Variants in CPQ observed in about 807,000 individuals in gnomAD.
CPQ encodes the protein Ser-Met dipeptidase.
A neutral mutation model predicts 45.7 loss-of-function variants in CPQ; 37 were observed. The observed-to-expected ratio is 0.81, with a 90% CI of 0.62 to 1.07. The LOEUF (loss-of-function observed/expected upper bound fraction) is 1.07, where lower values mean the gene tolerates loss of function less well. Ranked by LOEUF, CPQ falls within the 50% of genes least tolerant of loss-of-function variation. CPQ has a pLI of 0.00. For synonymous variants in CPQ, 186 were observed against 205.8 expected, an observed-to-expected ratio of 0.90 and a Z score of 0.82; for missense variants, 537 against 572.9, an observed-to-expected ratio of 0.94 and a Z score of 0.64.
intron 5 of CPQ, among the ~76,000 whole-genome samples, chr8:96,971,753 CTGCT>C (rs1385509112): frequency 6.6e-6 from 1 of 152,166 alleles, no homozygotes; most frequent in African/African-American, 2.4e-5. Flanking sequence ...TGCGTAGATG[CTGCT>C]TGCTTCTTTG....
intron 1 of CPQ, among the ~76,000 whole-genome samples, chr8:96,680,819 A>G (rs550686215): frequency 1.3e-5 from 2 of 152,272 alleles, no homozygotes; most frequent in African/African-American, 2.4e-5. Flanking sequence ...TGATAATGAT[A>G]TGGACAATGA....
chr8:96,879,692 G>T, intron 3 of CPQ, 106 bp from the exon 4 acceptor site: 1 of 733,522 alleles, frequency 1.4e-6, no homozygotes, highest in East Asian at 2.5e-5. Context: ...TTTCCCAGAT[G>T]CAAACAAAGA....
intron 5 of CPQ, among the ~76,000 whole-genome samples, chr8:96,967,987 T>TAAC (rs1295688013): frequency 2.0e-5 from 3 of 152,260 alleles, no homozygotes; most frequent in Admixed American, 2.0e-4. Flanking sequence ...CAATAAATGT[T>TAAC]AACTTTTATA....
At chr8:96,912,876 G>A (rs1812686167) in intron 4 of CPQ, among the ~76,000 whole-genome samples, 2 of 152,276 alleles carry the variant, frequency 1.3e-5, no homozygotes, top group South Asian at 4.1e-4. Context: ...CCCTCATGAG[G>A]AGGCGCAGTG....
intron 5 of CPQ, among the ~76,000 whole-genome samples, chr8:96,991,942 A>G (rs1809101634): frequency 6.6e-6 from 1 of 152,122 alleles, no homozygotes; most frequent in South Asian, 2.1e-4. Context: ...ACCACTCACC[A>G]TGGTCATAAG....
rs1563519513 is a variant in CPQ at position 96,879,886 on chromosome 8, AG to A, written c.731del (p.Arg244LysfsTer13). On this transcript the variant is annotated frameshift_variant, in exon 4 of 8. Transcript: ENST00000220763. LOFTEE classifies it high-confidence loss of function. ...ITVEDAEMMS[R>X]MASHGIKIVI... ...GGTGGAAGATGCAGAAATGATGTCA[AG>A]AATGGCTTCTCATGGGATCAAAATT... The A allele has an allele frequency of 1.9e-6, 3 of 1,614,138 alleles. No homozygotes were observed. Among genetic ancestry groups the A allele is most frequent in the Non-Finnish European group, 2.5e-6 (3 of 1,179,992 alleles).
intron 1 of CPQ, among the ~76,000 whole-genome samples, chr8:96,677,678 G>C (rs1254779683): frequency 1.3e-5 from 2 of 151,688 alleles, no homozygotes; most frequent in African/African-American, 4.8e-5. Flanking sequence ...AGTTTAATTG[G>C]GTCCCATTTA....
At chr8:96,968,653 T>C (rs77297744) in intron 5 of CPQ, among the ~76,000 whole-genome samples, 2,540 of 152,356 alleles carry the variant, frequency 0.017, 66 homozygotes, top group African/African-American at 0.057. Flanking sequence ...TCATGCAGCA[T>C]GTCAGAGTCC....
chr8:97,088,672 C>T (rs1339690563), intron 7 of CPQ, among the ~76,000 whole-genome samples: 1 of 152,192 alleles, frequency 6.6e-6, no homozygotes, highest in Non-Finnish European at 1.5e-5. Context: ...ACAGGACCCT[C>T]ACTCTCTGTG....
intron 4 of CPQ, among the ~76,000 whole-genome samples, chr8:96,940,046 G>A (rs1188413270): frequency 6.6e-6 from 1 of 152,066 alleles, no homozygotes; most frequent in Non-Finnish European, 1.5e-5. Flanking sequence ...AAAACTTAAT[G>A]AGAGTCTGAC....
chr8:96,998,667 G>T lies in CPQ; in HGVS notation c.962-30736G>T, dbSNP rs143598482. 2.6e-3 allele frequency among the ~76,000 whole-genome samples: 395 copies of T among 152,018 alleles called. 2 individuals are homozygous for T. Among genetic ancestry groups the T allele is most frequent in the African/African-American group, 8.9e-3 (369 of 41,524 alleles). On this transcript the variant is annotated intron_variant, in intron 5 of 7. Coordinates refer to ENST00000220763, the MANE Select transcript of CPQ (RefSeq NM_016134.4). Reference sequence around the variant, plus strand: ...ATGAAGCTAAAGAACATCAAGGGCAGAATATTTGCTTTTCTGAATGGGGAG... The same window carrying T: ...ATGAAGCTAAAGAACATCAAGGGCATAATATTTGCTTTTCTGAATGGGGAG...
rs765383250 is a variant in CPQ at position 96,948,032 on chromosome 8, C to T, written c.850-17903C>T. Reference sequence around the variant, plus strand: ...CAAGACACGCAGATCTAGTACTTAGCGCGACTCCTGCTTGCCTTCCATATC... The same window carrying T: ...CAAGACACGCAGATCTAGTACTTAGTGCGACTCCTGCTTGCCTTCCATATC... On this transcript the variant is annotated intron_variant, in intron 4 of 7. Coordinates refer to ENST00000220763, the MANE Select transcript of CPQ (RefSeq NM_016134.4). Among the ~76,000 whole-genome samples, 5 of 151,958 alleles carry T rather than the reference C, an allele frequency of 3.3e-5. 1 individual carries two copies. The highest frequency in any genetic ancestry group is 6.3e-3 in the Middle Eastern group (2 of 316).
intron 5 of CPQ, among the ~76,000 whole-genome samples, chr8:96,968,923 T>G (rs1813616850): frequency 6.6e-6 from 1 of 152,244 alleles, no homozygotes; most frequent in African/African-American, 2.4e-5. Context: ...GAAGCGTCGT[T>G]GAATACTTTT....
At chr8:96,648,145 C>A (rs1815538212) in intron 1 of CPQ, among the ~76,000 whole-genome samples, 1 of 152,092 alleles carries the variant, frequency 6.6e-6, no homozygotes, top group Admixed American at 6.5e-5. Context: ...TATTTTGTTT[C>A]TTTTTCGTCA....
At chr8:96,712,693 G>C (rs111282563) in intron 1 of CPQ, among the ~76,000 whole-genome samples, 6 of 152,250 alleles carry the variant, frequency 3.9e-5, no homozygotes, top group Admixed American at 6.5e-5. Flanking sequence ...ATAGAGCATG[G>C]GGGCCCTGTA....
At chr8:96,870,020 A>G (rs971190778) in intron 3 of CPQ, among the ~76,000 whole-genome samples, 1 of 152,050 alleles carries the variant, frequency 6.6e-6, no homozygotes, top group African/African-American at 2.4e-5. Flanking sequence ...GAAGACATAA[A>G]TGTGCGTAAA....
intron 4 of CPQ, among the ~76,000 whole-genome samples, chr8:96,933,594 G>A (rs575650442): frequency 6.6e-6 from 1 of 152,224 alleles, no homozygotes; most frequent in South Asian, 2.1e-4. Flanking sequence ...AAGCACACAG[G>A]GCAGAGGAAC....
intron 2 of CPQ, among the ~76,000 whole-genome samples, chr8:96,810,827 C>T (rs1811152456): frequency 6.6e-6 from 1 of 152,064 alleles, no homozygotes; most frequent in South Asian, 2.1e-4. Flanking sequence ...CAATTGCTAA[C>T]CAGTGTATAT....
Position 96,897,480 on chromosome 8 carries a change from T to C in CPQ, c.849+17475T>C, listed in dbSNP as rs560993371. Among the ~76,000 whole-genome samples, 3 of 152,262 alleles carry C rather than the reference T, an allele frequency of 2.0e-5. No individual in the cohort carries two copies. The East Asian group carries it at 5.8e-4, about 29-fold the overall frequency. On this transcript the variant is annotated intron_variant, in intron 4 of 7. Transcript: ENST00000220763. The stretch of plus-strand genomic sequence containing the variant: ...TACAAACTCTGGAATGCTCCAAAAT[T>C]TGAAACTTTTTGAGTACCAACATGA...
Sources: allele counts gnomAD v4.1 joint callset (sites outside exome capture counted in the v4.1 genomes callset), GRCh38; gene constraint gnomAD v4.1.1; transcripts MANE v1.5; gene names NCBI Gene and HGNC (gene_info 2026-07-23, HGNC 2026-07-21).